LPP: variants seen among roughly 807,000 people sequenced by gnomAD.
LPP encodes LIM domain containing preferred translocation partner in lipoma.
Under a neutral mutation model 60.4 loss-of-function variants are expected in LPP, and 38 were observed. That is an observed-to-expected ratio of 0.63 (90% CI 0.49 to 0.83). The LOEUF (loss-of-function observed/expected upper bound fraction) is 0.83, where lower values mean the gene tolerates loss of function less well. Among genes scored for constraint, LPP ranks in the 40% least tolerant of loss-of-function variants. The probability of loss-of-function intolerance (pLI) is 0.00; values close to 1 mark genes in which losing one functional copy is unlikely to be tolerated. For missense variants in LPP, 902 were observed against 783.6 expected (o/e 1.15, Z -1.80); for synonymous variants, 328 against 290.8 (o/e 1.13, Z -1.30).
Position 188,485,598 on chromosome 3 carries a change from C to G in LPP, c.306+894C>G, listed in dbSNP as rs909858883. Among the ~76,000 whole-genome samples the G allele has an allele frequency of 7.9e-5, 12 of 151,410 alleles. No individual in the cohort carries two copies. In the East Asian group the frequency reaches 2.1e-3, roughly 27 times the overall value. On this transcript the variant is annotated intron_variant, in intron 5 of 11. Coordinates refer to ENST00000617246, the MANE Select transcript of LPP (RefSeq NM_001375462.1). ...GGATCACGAGGTCAGGAGATCGAGA[C>G]CATCCCGGCTAAAACGGTGAAACCC...
intron 5 of LPP, among the ~76,000 whole-genome samples, chr3:188,491,533 T>C (rs1808378914): frequency 6.6e-6 from 1 of 152,136 alleles, no homozygotes; most frequent in South Asian, 2.1e-4. Flanking sequence ...ATTTGTAGCT[T>C]GTTTGTGACC....
rs749622593 is a variant in LPP at position 188,250,808 on chromosome 3, C to CTTTCTT, written c.-67+25282_-67+25283insTTCTTT. On this transcript the variant is annotated intron_variant, in intron 2 of 11. Transcript: ENST00000617246. Reference sequence around the variant, plus strand: ...TTTCTGTCTTTCTCTTTCTTTCTTTCTCTTTCTTTCTTTCTTTTTCTTTCT... The same window carrying CTTTCTT: ...TTTCTGTCTTTCTCTTTCTTTCTTTCTTTCTTTCTTTCTTTCTTTCTTTTTCTTTCT... Among the ~76,000 whole-genome samples the CTTTCTT allele has an allele frequency of 3.0e-5, 4 of 132,090 alleles. No individual in the cohort carries two copies. In the East Asian group the frequency reaches 6.4e-4, roughly 21 times the overall value. 86.7% of individuals were successfully genotyped at this position (132,090 alleles called of 152,430 possible).
At chr3:188,476,643 T>G (rs1471574413) in intron 4 of LPP, among the ~76,000 whole-genome samples, 2 of 152,216 alleles carry the variant, frequency 1.3e-5, no homozygotes, top group African/African-American at 4.8e-5. Flanking sequence ...TAGTCCTTCC[T>G]TTTAATTAAT....
chr3:188,274,171 A>G (rs1329364851), intron 2 of LPP, among the ~76,000 whole-genome samples: 1 of 152,188 alleles, frequency 6.6e-6, no homozygotes, highest in Non-Finnish European at 1.5e-5. Flanking sequence ...TAACTTAACA[A>G]TGGAAATTGA....
At chr3:188,737,722 T>C (rs1723016205) in intron 8 of LPP, among the ~76,000 whole-genome samples, 1 of 152,178 alleles carries the variant, frequency 6.6e-6, no homozygotes, top group African/African-American at 2.4e-5. Context: ...TGATGGACTT[T>C]TGAATGTTTA....
At chr3:188,374,392 G>T (rs1335139872) in intron 3 of LPP, among the ~76,000 whole-genome samples, 1 of 152,010 alleles carries the variant, frequency 6.6e-6, no homozygotes. Context: ...CTTGAGCAGT[G>T]GTTTGTAGTT....
At chr3:188,775,672 T>C (rs995345280) in intron 9 of LPP, among the ~76,000 whole-genome samples, 5 of 152,250 alleles carry the variant, frequency 3.3e-5, no homozygotes, top group African/African-American at 9.6e-5. Context: ...GGAATAACGA[T>C]GTGTTCTTCC....
intron 9 of LPP, among the ~76,000 whole-genome samples, chr3:188,793,384 G>A (rs12492482): frequency 0.26 from 39,176 of 151,842 alleles, 6,360 homozygotes; most frequent in East Asian, 0.78. Context: ...GTTTTGTCAT[G>A]TTGGAGAGAC....
intron 8 of LPP, among the ~76,000 whole-genome samples, chr3:188,726,616 G>A (rs764182996): frequency 6.6e-6 from 1 of 152,172 alleles, no homozygotes; most frequent in Non-Finnish European, 1.5e-5. Context: ...TGATACAGTG[G>A]TATTGGAGTG....
chr3:188,519,188 T>C (rs1169248808), intron 5 of LPP, among the ~76,000 whole-genome samples: 1 of 152,166 alleles, frequency 6.6e-6, no homozygotes, highest in African/African-American at 2.4e-5. Flanking sequence ...TGGTGAAATC[T>C]GGTACACACT....
chr3:188,364,511 C>T (rs564410883), intron 3 of LPP, among the ~76,000 whole-genome samples: 8 of 152,238 alleles, frequency 5.3e-5, no homozygotes, highest in Non-Finnish European at 7.4e-5. Flanking sequence ...TGGAGATAGA[C>T]ATGCAAAAAC....
rs937363550 is a variant in LPP at position 188,393,132 on chromosome 3, G to A, written c.-9-12980G>A. On this transcript the variant is annotated intron_variant, in intron 3 of 11. Transcript: ENST00000617246. ...AAATCACTGATAATCTCGTATGTGT[G>A]GGGTCAGGTGTTAAAGATATAATTG... Among the ~76,000 whole-genome samples the A allele has an allele frequency of 4.6e-5, 7 of 150,770 alleles. 1 individual carries two copies. The highest frequency in any genetic ancestry group is 1.7e-4 in the African/African-American group (7 of 40,886).
At chr3:188,603,972 A>G (rs1440062538) in intron 6 of LPP, among the ~76,000 whole-genome samples, 1 of 152,188 alleles carries the variant, frequency 6.6e-6, no homozygotes, top group Non-Finnish European at 1.5e-5. Context: ...CATGTCATGT[A>G]GCTGAAATTA....
In LPP at chr3:188,215,229, C is replaced by T. The variant is rs1713055169; in HGVS notation, c.-189-10176C>T. Among the ~76,000 whole-genome samples, 4 of 152,074 alleles carry T rather than the reference C, an allele frequency of 2.6e-5. No individual in the cohort carries two copies. In the South Asian group the frequency reaches 8.3e-4, roughly 32 times the overall value. Reference sequence around the variant, plus strand: ...GTGGGGATGGGAGGATTGCTTGAATCCAGGGAGTGGAGGTTGCAGTGAGCC... The same window carrying T: ...GTGGGGATGGGAGGATTGCTTGAATTCAGGGAGTGGAGGTTGCAGTGAGCC... On this transcript the variant is annotated intron_variant, in intron 1 of 11. Transcript: ENST00000617246.
chr3:188,356,548 A>C (rs547434018), intron 3 of LPP, among the ~76,000 whole-genome samples: 1 of 152,296 alleles, frequency 6.6e-6, no homozygotes, highest in Non-Finnish European at 1.5e-5. Context: ...TGTTTCACTT[A>C]AAGAAAGGTT....
At chr3:188,671,284 G>A (rs1856903415) in intron 7 of LPP, among the ~76,000 whole-genome samples, 1 of 152,094 alleles carries the variant, frequency 6.6e-6, no homozygotes, top group South Asian at 2.1e-4. Context: ...AAATGTGTAA[G>A]GAATAAATTA....
At chr3:188,518,981 C>T (rs933406646) in intron 5 of LPP, among the ~76,000 whole-genome samples, 5 of 151,920 alleles carry the variant, frequency 3.3e-5, no homozygotes, top group Admixed American at 1.3e-4. Context: ...AAATCGTTAA[C>T]GTATTAGGCA....
chr3:188,711,928 A>T (rs1478282340), intron 8 of LPP: 1 of 152,194 alleles, frequency 6.6e-6, no homozygotes, highest in African/African-American at 2.4e-5. Flanking sequence ...TGGAAGTAGG[A>T]AGATAGTAGA....
chr3:188,240,120 T>G (rs2149440033), intron 2 of LPP: 1 of 192,730 alleles, frequency 5.2e-6, no homozygotes, highest in East Asian at 8.1e-5. Context: ...TGACCTGGGA[T>G]GATGGAGAGA....
Sources: gnomAD v4.1 joint callset for allele counts (sites outside exome capture counted in the v4.1 genomes callset) on GRCh38, gnomAD v4.1.1 for gene constraint, MANE v1.5 for transcripts, NCBI Gene and HGNC (gene_info 2026-07-23, HGNC 2026-07-21) for gene names.